DPP4: variants seen among roughly 807,000 people sequenced by gnomAD.
The protein encoded by DPP4 is ADCP-2.
DPP4 carries 93 observed loss-of-function variants against 122.4 expected under a neutral mutation model. The ratio of observed to expected loss-of-function variants is 0.76; its 90% confidence interval spans 0.64 to 0.90. The LOEUF is 0.90. Among genes scored for constraint, DPP4 ranks in the 40% least tolerant of loss-of-function variants. DPP4 has a pLI of 0.00. For missense variants in DPP4, 914 were observed against 907.3 expected (o/e 1.01, Z -0.09); for synonymous variants, 321 against 302.9 (o/e 1.06, Z -0.62).
intron 10 of DPP4, among the ~76,000 whole-genome samples, chr2:162,030,780 A>T (rs1234350132): frequency 6.6e-6 from 1 of 152,174 alleles, no homozygotes; most frequent in Non-Finnish European, 1.5e-5. Context: ...CTATATTTTA[A>T]ACTCCCTAAA....
At chr2:162,007,803 C>T (rs555773429) in intron 22 of DPP4, among the ~76,000 whole-genome samples, 111 of 152,180 alleles carry the variant, frequency 7.3e-4, no homozygotes, top group African/African-American at 2.6e-3. Flanking sequence ...TTTATCTTGA[C>T]TGGGAGAGAC....
At chr2:162,063,710 G>A (rs1472272838) in intron 2 of DPP4, among the ~76,000 whole-genome samples, 2 of 133,148 alleles carry the variant, frequency 1.5e-5, no homozygotes, top group Non-Finnish European at 3.1e-5. Context: ...CTTATTCCAG[G>A]AGGCTTAAGA....
intron 20 of DPP4, among the ~76,000 whole-genome samples, chr2:162,010,816 T>A (rs1576038061): frequency 6.6e-6 from 1 of 152,180 alleles, no homozygotes; most frequent in African/African-American, 2.4e-5. Flanking sequence ...TCAATTGTCA[T>A]CTTCTCCTCT....
intron 20 of DPP4, among the ~76,000 whole-genome samples, chr2:162,010,767 C>G (rs1381785354): frequency 6.6e-6 from 1 of 152,148 alleles, no homozygotes; most frequent in East Asian, 1.9e-4. Context: ...TAATCATTAA[C>G]TTTAGTAAAA....
intron 2 of DPP4, among the ~76,000 whole-genome samples, chr2:162,065,948 T>C (rs1399142174): frequency 6.6e-6 from 1 of 152,178 alleles, no homozygotes; most frequent in Non-Finnish European, 1.5e-5. Flanking sequence ...AAATCCTCAA[T>C]AAATATTTGC....
chr2:162,018,673 G>T, intron 16 of DPP4, 56 bp downstream of exon 16: 3 of 1,587,346 alleles, frequency 1.9e-6, no homozygotes, highest in Non-Finnish European at 2.6e-6. Context: ...AGAGGGAGCT[G>T]CTTCGAAGTG....
chr2:162,072,885 A>C (rs913610889), intron 2 of DPP4, among the ~76,000 whole-genome samples: 1 of 151,940 alleles, frequency 6.6e-6, no homozygotes, highest in South Asian at 2.1e-4. Flanking sequence ...CCACCCTCCA[A>C]CTGAATTCTC....
chr2:162,041,206 T>C (rs1482310686), intron 5 of DPP4, among the ~76,000 whole-genome samples: 3 of 152,226 alleles, frequency 2.0e-5, no homozygotes, highest in South Asian at 2.1e-4. Context: ...TTATGAAATA[T>C]TATGTCTGAA....
intron 9 of DPP4, among the ~76,000 whole-genome samples, chr2:162,034,003 A>G (rs1186126046): frequency 6.6e-6 from 1 of 151,406 alleles, no homozygotes; most frequent in Non-Finnish European, 1.5e-5. Flanking sequence ...CTTAAAATCA[A>G]CTTTATTATT....
At chr2:162,005,042 T>C (rs1315848719) in intron 23 of DPP4, among the ~76,000 whole-genome samples, 1 of 152,228 alleles carries the variant, frequency 6.6e-6, no homozygotes, top group Non-Finnish European at 1.5e-5. Flanking sequence ...CTAGTACTTA[T>C]GCTAGCACTT....
intron 1 of DPP4, 129 bp from the exon 2 acceptor site, chr2:162,073,615 GCT>G: frequency 1.1e-6 from 1 of 894,166 alleles, no homozygotes; most frequent in Non-Finnish European, 1.8e-6. Context: ...GAGACCGCGG[GCT>G]GGGGGTGGGG....
rs147462576 is a variant in DPP4 at position 162,054,149 on chromosome 2, G to C, written c.95-6648C>G. ...CTCAAGATGTAATGTTGTTTACCCT[G>C]TTGGGCTTTAGATTTATTTGGCACT... is the stretch of plus-strand genomic sequence containing the variant. On this transcript the variant is annotated intron_variant, in intron 2 of 25. Coordinates refer to ENST00000360534, the MANE Select transcript of DPP4 (RefSeq NM_001935.4). 4.5e-3 allele frequency among the ~76,000 whole-genome samples: 682 copies of C among 152,310 alleles called. 1 individual carries two copies. The highest frequency in any genetic ancestry group is 6.2e-3 in the Non-Finnish European group (421 of 68,034).
rs568768204 is a variant in DPP4 at position 162,048,030 on chromosome 2, C to T, written c.95-529G>A. Among the ~76,000 whole-genome samples, 171 of 152,152 alleles carry T rather than the reference C, an allele frequency of 1.1e-3. 1 individual carries two copies. Among genetic ancestry groups the T allele is most frequent in the African/African-American group, 4.0e-3 (164 of 41,500 alleles). ...ATTTTAAGTCAATAGTTATGTGTGGCCAGGTGTTCAACGACTACTGTAGTG... is the reference window on the plus strand; with the variant it reads ...ATTTTAAGTCAATAGTTATGTGTGGTCAGGTGTTCAACGACTACTGTAGTG... On this transcript the variant is annotated intron_variant, in intron 2 of 25. Coordinates refer to ENST00000360534, the MANE Select transcript of DPP4 (RefSeq NM_001935.4).
intron 22 of DPP4, among the ~76,000 whole-genome samples, chr2:162,007,977 C>G (rs1446278019): frequency 6.6e-6 from 1 of 151,992 alleles, no homozygotes; most frequent in Non-Finnish European, 1.5e-5. Context: ...TCTGAATCCC[C>G]CCTCCTCCCT....
chr2:162,061,076 C>T (rs1684757917), intron 2 of DPP4, among the ~76,000 whole-genome samples: 2 of 146,422 alleles, frequency 1.4e-5, no homozygotes, highest in South Asian at 4.6e-4. Context: ...CTCACTCTGT[C>T]ACCCAGGCTA....
At chr2:162,022,965 C>T (rs1683188957) in intron 11 of DPP4, among the ~76,000 whole-genome samples, 166 bp from the exon 12 acceptor site, 2 of 152,296 alleles carry the variant, frequency 1.3e-5, no homozygotes, top group Middle Eastern at 3.4e-3. Flanking sequence ...TACATTAGAT[C>T]ATTTGACTCT....
chr2:161,993,896 ACT>A (rs760152624), intron 25 of DPP4, among the ~76,000 whole-genome samples: 1 of 152,010 alleles, frequency 6.6e-6, no homozygotes, highest in African/African-American at 2.4e-5. Context: ...AACTGGAAAA[ACT>A]CTATTTCAAT....
intron 2 of DPP4, among the ~76,000 whole-genome samples, chr2:162,072,711 T>C (rs1685160160): frequency 6.6e-6 from 1 of 152,216 alleles, no homozygotes; most frequent in Non-Finnish European, 1.5e-5. Context: ...ATTATGTGAG[T>C]GTTTTATACA....
At chr2:162,028,079 C>T (rs1291372723) in intron 10 of DPP4, among the ~76,000 whole-genome samples, 1 of 148,006 alleles carries the variant, frequency 6.8e-6, no homozygotes, top group Non-Finnish European at 1.5e-5. Flanking sequence ...AAACAAAAAA[C>T]TGCCAGGTGC....
Sources: allele counts gnomAD v4.1 joint callset (sites outside exome capture counted in the v4.1 genomes callset), GRCh38; gene constraint gnomAD v4.1.1; transcripts MANE v1.5; gene names NCBI Gene and HGNC (gene_info 2026-07-23, HGNC 2026-07-21).